The following ETV6 variants were observed in gnomAD, a reference collection of about 807,000 sequenced individuals.
ETV6 encodes the protein ETS variant transcription factor 6.
A neutral mutation model predicts 51.1 loss-of-function variants in ETV6; 16 were observed. The ratio of observed to expected loss-of-function variants is 0.31; its 90% CI spans 0.21 to 0.48. ETV6 has a LOEUF of 0.48. Ranked by LOEUF, ETV6 falls within the 20% of genes least tolerant of loss-of-function variation. ETV6 has a pLI of 0.99. For missense variants in ETV6, 458 were observed against 594.8 expected (o/e 0.77, Z 2.39); for synonymous variants, 240 against 224.1 (o/e 1.07, Z -0.64).
At chr12:11,825,969 G>T (rs1364603851) in intron 2 of ETV6, among the ~76,000 whole-genome samples, 1 of 151,712 alleles carries the variant, frequency 6.6e-6, no homozygotes, top group African/African-American at 2.4e-5. Flanking sequence ...GAGTAGCTGG[G>T]ACTTCAGGCA....
intron 2 of ETV6, among the ~76,000 whole-genome samples, chr12:11,790,130 T>C (rs913985637): frequency 2.0e-5 from 3 of 151,860 alleles, no homozygotes; most frequent in Admixed American, 1.3e-4. Context: ...ATCATACTTT[T>C]AATATTCAAG....
intron 4 of ETV6, among the ~76,000 whole-genome samples, chr12:11,858,098 C>T (rs1006077041): frequency 1.3e-5 from 2 of 152,126 alleles, no homozygotes; most frequent in Non-Finnish European, 2.9e-5. Flanking sequence ...GCAAGAGTAG[C>T]GTCATTCACT....
At chr12:11,716,330 CAAAAAAAAAAAAAAAAAAAA>C (rs3049068) in intron 1 of ETV6, among the ~76,000 whole-genome samples, 1 of 58,094 alleles carries the variant, frequency 1.7e-5, no homozygotes, top group Non-Finnish European at 3.1e-5. Flanking sequence ...GACTCCTTCT[CAAAAAAAAAAAAAAAAAAAA>C]AAAAAAAAAA....
intron 1 of ETV6, among the ~76,000 whole-genome samples, chr12:11,739,341 G>A (rs1216774642): frequency 6.6e-6 from 1 of 152,148 alleles, no homozygotes; most frequent in Non-Finnish European, 1.5e-5. Context: ...GGAATAGTGC[G>A]TGGCCCCCAC....
chr12:11,805,658 A>G (rs1945818554), intron 2 of ETV6, among the ~76,000 whole-genome samples: 1 of 152,186 alleles, frequency 6.6e-6, no homozygotes, highest in African/African-American at 2.4e-5. Context: ...CTGGAAGAGG[A>G]TTTGTTCTAC....
intron 1 of ETV6, among the ~76,000 whole-genome samples, chr12:11,716,056 C>G (rs948463607): frequency 2.6e-5 from 4 of 152,142 alleles, no homozygotes; most frequent in African/African-American, 9.7e-5. Flanking sequence ...TTGCTTATTA[C>G]CCTTGTGTTT....
intron 1 of ETV6, chr12:11,751,830 A>G (rs778941501): frequency 3.5e-5 from 18 of 509,612 alleles, no homozygotes; most frequent in African/African-American, 3.5e-4. Context: ...GTTGCAGATA[A>G]TTCCTAGCAA....
At chr12:11,836,813 A>G (rs138687375) in intron 2 of ETV6, among the ~76,000 whole-genome samples, 164 of 152,164 alleles carry the variant, frequency 1.1e-3, no homozygotes, top group African/African-American at 3.5e-3. Context: ...CATGTTTCCA[A>G]TAAGCCACCC....
chr12:11,808,397 G>A (rs1210836552), intron 2 of ETV6, among the ~76,000 whole-genome samples: 3 of 151,232 alleles, frequency 2.0e-5, no homozygotes, highest in Non-Finnish European at 2.9e-5. Context: ...TTGCACATCC[G>A]TGATTCCATC....
intron 1 of ETV6, among the ~76,000 whole-genome samples, chr12:11,665,687 A>G (rs1864181147): frequency 6.6e-6 from 1 of 152,228 alleles, no homozygotes; most frequent in South Asian, 2.1e-4. Context: ...CACAGTTGAC[A>G]TCCTGAGCAA....
intron 2 of ETV6, among the ~76,000 whole-genome samples, chr12:11,792,699 A>AC (rs1180808376): frequency 6.6e-6 from 1 of 151,610 alleles, no homozygotes; most frequent in Non-Finnish European, 1.5e-5. Flanking sequence ...AAAAAAAAAA[A>AC]ATTAATCCTC....
At position 11,834,735 on chromosome 12, in the gene ETV6, A is replaced by G. The variant is rs78764067; in HGVS notation, c.164-4405A>G. Among the ~76,000 whole-genome samples the G allele has an allele frequency of 1.1e-3, 171 of 152,386 alleles. 1 individual carries two copies. In the East Asian group the frequency reaches 0.016, roughly 14 times the overall value. On this transcript the variant is annotated intron_variant, in intron 2 of 7. Transcript: ENST00000396373. Reference sequence around the variant, plus strand: ...CAGGAAGTTACAAAATCTCAGGGTCATGGCCATGGGCATGGAGTAATTCTG... The same window carrying G: ...CAGGAAGTTACAAAATCTCAGGGTCGTGGCCATGGGCATGGAGTAATTCTG...
At chr12:11,840,719 A>C (rs974447806) in intron 3 of ETV6, 7 of 326,498 alleles carry the variant, frequency 2.1e-5, no homozygotes, top group African/African-American at 1.5e-4. Context: ...GATGTTATTG[A>C]AACTTGAAAG....
intron 5 of ETV6, among the ~76,000 whole-genome samples, chr12:11,874,747 T>C (rs188348855): frequency 6.6e-5 from 10 of 150,754 alleles, no homozygotes; most frequent in African/African-American, 1.7e-4. Flanking sequence ...TATATGAAAT[T>C]TTTCATAAAT....
At chr12:11,675,220 G>C (rs548736495) in intron 1 of ETV6, among the ~76,000 whole-genome samples, 32 of 152,240 alleles carry the variant, frequency 2.1e-4, no homozygotes, top group Non-Finnish European at 3.5e-4. Context: ...TTTTTACATT[G>C]ATCTCAGAAT....
intron 1 of ETV6, among the ~76,000 whole-genome samples, chr12:11,671,939 G>A (rs1864325324): frequency 6.8e-6 from 1 of 146,282 alleles, no homozygotes; most frequent in African/African-American, 2.5e-5. Context: ...TAGGTCATGT[G>A]AAAAAAAAAA....
chr12:11,747,558 C>T (rs1001033048), intron 1 of ETV6, among the ~76,000 whole-genome samples: 2 of 152,172 alleles, frequency 1.3e-5, no homozygotes, highest in African/African-American at 2.4e-5. Flanking sequence ...ATGTTACTCT[C>T]TGTGGCTGTG....
At chr12:11,677,662 G>T (rs1035390430) in intron 1 of ETV6, among the ~76,000 whole-genome samples, 1 of 152,200 alleles carries the variant, frequency 6.6e-6, no homozygotes, top group African/African-American at 2.4e-5. Flanking sequence ...TGAAGAAGAT[G>T]AGGCCTCTGA....
rs1946844930 is a variant in ETV6 at position 11,869,531 on chromosome 12, C to T, written c.571C>T (p.Arg191Trp). 45 of 1,614,024 alleles carry T rather than the reference C, an allele frequency of 2.8e-5. 2 individuals carry two copies. The highest frequency in any genetic ancestry group is 3.3e-5 in the Non-Finnish European group (39 of 1,180,030). The change falls in exon 5 of 8, where the codon CGG (arginine) becomes TGG (tryptophan). Residue 191 changes from arginine (R) to tryptophan (W), a missense_variant. Physicochemically the swap from Arg to Trp is moderately radical, Grantham distance 101 (BLOSUM62 -3). This residue lies in a region of ETV6 where 293 missense variants were observed against 315.7 expected (regional missense o/e 0.93). Coordinates refer to ENST00000396373, the MANE Select transcript of ETV6 (RefSeq NM_001987.5). This position sits in a 1 kb window ranked among gnomAD's most constrained non-coding sequence, Gnocchi z 5.0. ...RSRSPITTNH[R>W]PSPDPEQRPL... ...CAGGTCACCTATCACGACAAATCAC[C>T]GGCCTTCTCCTGACCCCGAGCAGCG...
Sources: allele counts gnomAD v4.1 joint callset (sites outside exome capture counted in the v4.1 genomes callset), GRCh38; gene constraint gnomAD v4.1.1; regional missense constraint gnomAD v4.1.1; non-coding constraint Gnocchi (gnomAD v3.1); transcripts MANE v1.5; gene names NCBI Gene and HGNC (gene_info 2026-07-23, HGNC 2026-07-21).